ASIC2: variants seen among roughly 807,000 people sequenced by gnomAD.
ASIC2 encodes acid-sensing ion channel 2.
Under a neutral mutation model 57.3 loss-of-function variants are expected in ASIC2, and 25 were observed. That is an observed-to-expected ratio of 0.44 (90% confidence interval 0.32 to 0.61). ASIC2 has a LOEUF of 0.61. Ranked by LOEUF, ASIC2 falls within the 20% of genes least tolerant of loss-of-function variation. The pLI is 0.06. For missense variants in ASIC2, 641 were observed against 738.1 expected, an observed-to-expected ratio of 0.87 and a Z score of 1.52; for synonymous variants, 319 against 307.5, an observed-to-expected ratio of 1.04 and a Z score of -0.39.
intron 1 of ASIC2, among the ~76,000 whole-genome samples, chr17:33,719,781 T>C (rs536391057): frequency 3.9e-5 from 6 of 152,330 alleles, no homozygotes; most frequent in African/African-American, 1.4e-4. Flanking sequence ...GGAGCTTCAG[T>C]GCTATTGCCC....
chr17:33,971,204 G>A (rs547970961), intron 1 of ASIC2, among the ~76,000 whole-genome samples: 14 of 152,124 alleles, frequency 9.2e-5, no homozygotes, highest in East Asian at 1.9e-4. Flanking sequence ...GCTCCAAGCC[G>A]GCTGTGCTAG....
intron 1 of ASIC2, among the ~76,000 whole-genome samples, chr17:33,370,308 C>T (rs535612917): frequency 1.6e-4 from 25 of 152,200 alleles, no homozygotes; most frequent in Non-Finnish European, 2.8e-4. Flanking sequence ...AGAACACCAC[C>T]CCCAACCCCA....
intron 6 of ASIC2, among the ~76,000 whole-genome samples, chr17:33,023,167 T>C (rs555917504): frequency 3.3e-4 from 50 of 152,162 alleles, no homozygotes; most frequent in African/African-American, 1.2e-3. Context: ...ACGTGCAAGG[T>C]CTGCCTGGAA....
intron 1 of ASIC2, among the ~76,000 whole-genome samples, chr17:33,263,591 C>T (rs946541584): frequency 4.6e-5 from 7 of 152,166 alleles, no homozygotes; most frequent in African/African-American, 1.7e-4. Context: ...CCTCTGCGGC[C>T]CCATGAAGAC....
chr17:33,815,229 C>T (rs898655363), intron 1 of ASIC2, among the ~76,000 whole-genome samples: 2 of 152,180 alleles, frequency 1.3e-5, no homozygotes, highest in Admixed American at 6.5e-5. Context: ...ACATAGGCTC[C>T]GTATCTGCCC....
chr17:33,124,921 G>A (rs2092317285), intron 1 of ASIC2, among the ~76,000 whole-genome samples: 1 of 152,176 alleles, frequency 6.6e-6, no homozygotes, highest in Admixed American at 6.5e-5. Flanking sequence ...TCTCTTAAGG[G>A]GGGCACAACC....
intron 1 of ASIC2, among the ~76,000 whole-genome samples, chr17:33,904,403 C>CT (rs1217689117): frequency 6.6e-6 from 1 of 152,090 alleles, no homozygotes; most frequent in Non-Finnish European, 1.5e-5. Context: ...AGCTGTGGTT[C>CT]TCCATACTGC....
intron 1 of ASIC2, among the ~76,000 whole-genome samples, chr17:33,696,225 CT>C (rs1396044843): frequency 7.2e-6 from 1 of 139,294 alleles, no homozygotes; most frequent in Non-Finnish European, 1.6e-5. Flanking sequence ...TTAAACACAA[CT>C]AAATAGCGCT....
intron 3 of ASIC2, among the ~76,000 whole-genome samples, chr17:33,041,568 TA>T (rs1322697205): frequency 6.6e-6 from 1 of 152,228 alleles, no homozygotes; most frequent in Non-Finnish European, 1.5e-5. Context: ...AGAGGATAAG[TA>T]CAAGAGACTG....
intron 1 of ASIC2, among the ~76,000 whole-genome samples, chr17:33,523,410 C>T (rs1914799531): frequency 6.6e-6 from 1 of 152,162 alleles, no homozygotes; most frequent in African/African-American, 2.4e-5. Flanking sequence ...GCACCTACCA[C>T]CACATCCAGC....
At chr17:33,486,417 G>A (rs1913577053) in intron 1 of ASIC2, among the ~76,000 whole-genome samples, 1 of 152,174 alleles carries the variant, frequency 6.6e-6, no homozygotes, top group African/African-American at 2.4e-5. Context: ...GCATCAAACT[G>A]CCTCTACTCA....
chr17:33,753,523 T>C (rs1237986629), intron 1 of ASIC2, among the ~76,000 whole-genome samples: 1 of 152,232 alleles, frequency 6.6e-6, no homozygotes, highest in Non-Finnish European at 1.5e-5. Context: ...AGGAGTTTAA[T>C]TGAGCAATGA....
At chr17:33,720,233 T>C (rs142220824) in intron 1 of ASIC2, among the ~76,000 whole-genome samples, 242 of 152,314 alleles carry the variant, frequency 1.6e-3, no homozygotes, top group Non-Finnish European at 2.8e-3. Context: ...ATTGTTAATG[T>C]TATTTAAAGA....
intron 1 of ASIC2, among the ~76,000 whole-genome samples, chr17:33,681,830 A>G (rs573219304): frequency 6.6e-6 from 1 of 152,106 alleles, no homozygotes; most frequent in African/African-American, 2.4e-5. Context: ...TCTGTCCCCT[A>G]CTAGAACATA....
At chr17:33,206,879 C>T (rs1907082383) in intron 1 of ASIC2, among the ~76,000 whole-genome samples, 1 of 152,082 alleles carries the variant, frequency 6.6e-6, no homozygotes, top group Non-Finnish European at 1.5e-5. Context: ...TTTGAGTGTC[C>T]CCACAATGGT....
intron 1 of ASIC2, among the ~76,000 whole-genome samples, chr17:33,210,483 C>A (rs917544362): frequency 2.0e-5 from 3 of 152,218 alleles, no homozygotes; most frequent in East Asian, 1.9e-4. Context: ...CCTCCACCCC[C>A]CAACCCAGGC....
intron 1 of ASIC2, among the ~76,000 whole-genome samples, chr17:33,253,558 A>G (rs1908956440): frequency 6.6e-6 from 1 of 152,176 alleles, no homozygotes; most frequent in South Asian, 2.1e-4. Context: ...ACAGATGTTT[A>G]CAAGAAGAAA....
intron 3 of ASIC2, among the ~76,000 whole-genome samples, chr17:33,083,881 C>T (rs1191050880): frequency 6.6e-6 from 1 of 152,092 alleles, no homozygotes; most frequent in East Asian, 1.9e-4. Context: ...TTGGGTAGTG[C>T]TGTGACCACT....
chr17:33,778,963 G>A (rs565246427), intron 1 of ASIC2, among the ~76,000 whole-genome samples: 66 of 152,162 alleles, frequency 4.3e-4, no homozygotes, highest in African/African-American at 1.3e-3. Context: ...CCCCCTCCTG[G>A]CATCTTAAGT....
Sources: allele counts gnomAD v4.1 joint callset (sites outside exome capture counted in the v4.1 genomes callset), GRCh38; gene constraint gnomAD v4.1.1; transcripts MANE v1.5; gene names NCBI Gene and HGNC (gene_info 2026-07-23, HGNC 2026-07-21).